Variants in GNG7 observed in about 807,000 individuals in gnomAD.
The protein encoded by GNG7 is guanine nucleotide-binding protein G(I)/G(S)/G(O) subunit gamma-7.
A neutral mutation model predicts 4.0 loss-of-function variants in GNG7; 1 was observed. That is an observed-to-expected ratio of 0.25 (90% confidence interval 0.09 to 1.18). The LOEUF (loss-of-function observed/expected upper bound fraction) is 1.18. GNG7 is among the 50% of genes most tolerant of loss of function. GNG7 has a pLI of 0.50. For synonymous variants in GNG7, 34 were observed against 36.9 expected (o/e 0.92, Z 0.29); for missense variants, 86 against 91.9 (o/e 0.94, Z 0.26).
chr19:2,624,218 A>G (rs1981953945), intron 2 of GNG7, among the ~76,000 whole-genome samples: 2 of 151,862 alleles, frequency 1.3e-5, no homozygotes, highest in African/African-American at 4.8e-5. Context: ...TGTTTCATAT[A>G]TTTTACCACA....
intron 2 of GNG7, among the ~76,000 whole-genome samples, chr19:2,562,121 C>T (rs978221500): frequency 2.0e-5 from 3 of 152,242 alleles, no homozygotes; most frequent in African/African-American, 7.2e-5. Flanking sequence ...CAGGCATTCA[C>T]GCCCTCCACC....
At chr19:2,539,323 T>TTG (rs1555691938) in intron 3 of GNG7, among the ~76,000 whole-genome samples, 1,505 of 147,670 alleles carry the variant, frequency 0.01, 27 homozygotes, top group African/African-American at 0.035. Flanking sequence ...TTTTTTTTTT[T>TTG]GGATGGTGTT....
intron 2 of GNG7, among the ~76,000 whole-genome samples, chr19:2,639,241 A>G (rs1018277107): frequency 2.6e-5 from 4 of 152,024 alleles, no homozygotes; most frequent in Non-Finnish European, 5.9e-5. Flanking sequence ...CAAAAAAAAA[A>G]AAAATTCCTC....
rs202147338 is a variant in GNG7 at position 2,573,018 on chromosome 19, C to G, written c.-77-17830G>C. 3.3e-4 allele frequency among the ~76,000 whole-genome samples: 49 copies of G among 148,182 alleles called. 1 individual carries two copies. In the East Asian group the frequency reaches 6.7e-3, roughly 20 times the overall value. On this transcript the variant is annotated intron_variant, in intron 2 of 4. Coordinates refer to ENST00000382159, the MANE Select transcript of GNG7 (RefSeq NM_052847.3). ...GGATCTGCCTGTTCTGGAAATTTCT[C>G]CTTTTTTTTTTTTTTTTTTTGTTTT... is the stretch of plus-strand genomic sequence containing the variant.
intron 2 of GNG7, among the ~76,000 whole-genome samples, chr19:2,580,924 C>T (rs961261308): frequency 1.5e-4 from 23 of 152,006 alleles, no homozygotes; most frequent in Non-Finnish European, 1.9e-4. Context: ...ACCACCACGC[C>T]CGGCTAATTT....
intron 3 of GNG7, among the ~76,000 whole-genome samples, chr19:2,522,385 A>G (rs1978314305): frequency 6.6e-6 from 1 of 152,018 alleles, no homozygotes; most frequent in Non-Finnish European, 1.5e-5. Context: ...CTCTGTCATA[A>G]CTCATGGCAT....
chr19:2,538,604 C>T, intron 3 of GNG7: 1 of 412,300 alleles, frequency 2.4e-6, no homozygotes, highest in Middle Eastern at 3.5e-4. Flanking sequence ...GCACTCCAGC[C>T]TGGGCAACAG....
chr19:2,696,811 G>A (rs528650310), intron 1 of GNG7, among the ~76,000 whole-genome samples: 1 of 152,330 alleles, frequency 6.6e-6, no homozygotes, highest in South Asian at 2.1e-4. Context: ...GGGGGAGGGG[G>A]TGGAGAGTCC....
intron 1 of GNG7, among the ~76,000 whole-genome samples, chr19:2,646,592 G>A (rs1982673079): frequency 6.6e-6 from 1 of 152,098 alleles, no homozygotes; most frequent in Non-Finnish European, 1.5e-5. Context: ...GGCTGAGGCA[G>A]GAGAATCCCT....
intron 1 of GNG7, among the ~76,000 whole-genome samples, chr19:2,672,996 C>G (rs1421757398): frequency 6.6e-6 from 1 of 152,046 alleles, no homozygotes; most frequent in East Asian, 1.9e-4. Flanking sequence ...GTGGTTCATG[C>G]CTGTAATCCC....
intron 1 of GNG7, among the ~76,000 whole-genome samples, chr19:2,687,596 A>G (rs1174029021): frequency 6.6e-6 from 1 of 152,132 alleles, no homozygotes; most frequent in African/African-American, 2.4e-5. Flanking sequence ...AGCCTGGGCA[A>G]CAAGAGTGAA....
In GNG7 at chr19:2,556,196, A is replaced by C. The variant is rs1348683045; in HGVS notation, c.-77-1008T>G. On this transcript the variant is annotated intron_variant, in intron 2 of 4. Coordinates refer to ENST00000382159, the MANE Select transcript of GNG7 (RefSeq NM_052847.3). ...TTCTGTGTCTCCCGGTTAGGCCACC[A>C]CTGCTCTGCTGCTGAGCCGGCAGCC... 1.3e-5 allele frequency among the ~76,000 whole-genome samples: 2 copies of C among 152,236 alleles called. 1 individual carries two copies. The highest frequency in any genetic ancestry group is 4.1e-4 in the South Asian group (2 of 4,832).
intron 3 of GNG7, among the ~76,000 whole-genome samples, chr19:2,537,555 T>C (rs1978781662): frequency 6.6e-6 from 1 of 152,108 alleles, no homozygotes; most frequent in African/African-American, 2.4e-5. Context: ...AAATCTGATA[T>C]AGAATATAGA....
intron 2 of GNG7, among the ~76,000 whole-genome samples, chr19:2,575,439 C>T (rs914748392): frequency 2.0e-5 from 3 of 152,174 alleles, no homozygotes; most frequent in East Asian, 1.9e-4. Context: ...CAAAGCAGAA[C>T]GGGCGCCTCC....
intron 1 of GNG7, among the ~76,000 whole-genome samples, chr19:2,702,416 A>G (rs1913428381): frequency 7.4e-6 from 1 of 134,726 alleles, no homozygotes; most frequent in Non-Finnish European, 1.6e-5. Context: ...TGCAGTCCCA[A>G]TCCCCAACCC....
In GNG7 at chr19:2,553,582, T is replaced by C. The variant is rs541339578; in HGVS notation, c.-38+1567A>G. Reference sequence around the variant, plus strand: ...ATCACATGTAATAAATCATATCACATACACGCACATATTACATGCAATATA... The same window carrying C: ...ATCACATGTAATAAATCATATCACACACACGCACATATTACATGCAATATA... On this transcript the variant is annotated intron_variant, in intron 3 of 4. Transcript: ENST00000382159. 2.5e-4 allele frequency among the ~76,000 whole-genome samples: 37 copies of C among 149,294 alleles called. No individual in the cohort carries two copies. The East Asian group carries it at 3.7e-3, about 15-fold the overall frequency.
intron 1 of GNG7, among the ~76,000 whole-genome samples, chr19:2,701,578 C>T (rs1273762904): frequency 6.6e-6 from 1 of 151,300 alleles, no homozygotes; most frequent in African/African-American, 2.4e-5. Context: ...TAACCCTAAC[C>T]CCTGGGCCGT....
chr19:2,569,173 A>G (rs1644510705), intron 2 of GNG7, among the ~76,000 whole-genome samples: 1 of 152,206 alleles, frequency 6.6e-6, no homozygotes, highest in Non-Finnish European at 1.5e-5. Context: ...AGGCCCCAGC[A>G]TGAGGCACCT....
intron 2 of GNG7, chr19:2,643,395 T>C (rs1982572786): frequency 2.4e-6 from 1 of 413,944 alleles, no homozygotes; most frequent in East Asian, 7.7e-5. Flanking sequence ...CTGCACACCT[T>C]CCGGCCCTGC....
Sources: allele counts gnomAD v4.1 joint callset (sites outside exome capture counted in the v4.1 genomes callset), GRCh38; gene constraint gnomAD v4.1.1; transcripts MANE v1.5; gene names NCBI Gene and HGNC (gene_info 2026-07-23, HGNC 2026-07-21).